Variants in CIB4 observed in about 807,000 individuals in gnomAD.
The protein encoded by CIB4 is calcium and integrin binding family member 4.
Under a neutral mutation model 25.8 loss-of-function variants are expected in CIB4, and 25 were observed. That is an observed-to-expected ratio of 0.97 (90% CI 0.71 to 1.35). The LOEUF (loss-of-function observed/expected upper bound fraction) is 1.35. Ranked by LOEUF, CIB4 falls within the 40% of genes most tolerant of loss-of-function variation. The probability of loss-of-function intolerance (pLI) is 0.00; values close to 1 mark genes in which losing one functional copy is unlikely to be tolerated. For synonymous variants in CIB4, 75 were observed against 81.4 expected, an observed-to-expected ratio of 0.92 and a Z score of 0.42; for missense variants, 235 against 228.2, an observed-to-expected ratio of 1.03 and a Z score of -0.19.
In CIB4 at chr2:26,640,565, G is replaced by C; in HGVS notation, c.57C>G (p.Ala19=). 2 of 1,612,374 alleles carry C rather than the reference G, an allele frequency of 1.2e-6. No individual in the cohort carries two copies. Among genetic ancestry groups the C allele is most frequent in the Non-Finnish European group, 1.7e-6 (2 of 1,179,180 alleles). Residue 19 remains alanine, a splice_region_variant and synonymous_variant, in exon 2 of 7, where the codon GCC becomes GCG. Transcript: ENST00000288861. The part of the protein sequence containing the change: ...MHWEDLEEYQ[A]LTFLTRNEIL... Reference sequence around the variant, plus strand: ...TTTCATTTCTGGTCAGGAAGGTCAGGGCCTGCAACAAATCACAGAGAAGCG... The same window carrying C: ...TTTCATTTCTGGTCAGGAAGGTCAGCGCCTGCAACAAATCACAGAGAAGCG...
chr2:26,603,790 G>T (rs1367226298), intron 3 of CIB4, among the ~76,000 whole-genome samples: 2 of 152,088 alleles, frequency 1.3e-5, no homozygotes, highest in Non-Finnish European at 2.9e-5. Context: ...TTGAGCCCAG[G>T]AGTTCAAGAC....
chr2:26,626,330 ACGGTT>A (rs56871257), intron 3 of CIB4, among the ~76,000 whole-genome samples: 79,677 of 150,264 alleles, frequency 0.53, 22,411 homozygotes, highest in Admixed American at 0.65. Flanking sequence ...AGTTCAAAAG[ACGGTT>A]CTGGCTGTTA....
At chr2:26,622,920 T>A (rs1412324776) in intron 3 of CIB4, among the ~76,000 whole-genome samples, 1 of 151,950 alleles carries the variant, frequency 6.6e-6, no homozygotes, top group African/African-American at 2.4e-5. Flanking sequence ...GAGGCAGAGG[T>A]TGCAGTGAGC....
chr2:26,589,039 T>TTCTTCTTCTTCTTCCTCTTCC (rs1668517892), intron 4 of CIB4, among the ~76,000 whole-genome samples: 1 of 45,698 alleles, frequency 2.2e-5, no homozygotes, highest in African/African-American at 9.3e-5. Flanking sequence ...CTTCTTCTTC[T>TTCTTCTTCTTCTTCCTCTTCC]TCTTCTTCTT....
chr2:26,603,204 G>A (rs907016678), intron 3 of CIB4, among the ~76,000 whole-genome samples: 5 of 152,078 alleles, frequency 3.3e-5, no homozygotes, highest in Admixed American at 3.3e-4. Context: ...ATGGAAAAGC[G>A]AGACTGAGAA....
intron 1 of CIB4, among the ~76,000 whole-genome samples, chr2:26,640,824 A>T (rs1669620877): frequency 6.6e-6 from 1 of 152,182 alleles, no homozygotes. Context: ...ACAAGAGTGA[A>T]ACTCTGGGCT....
At chr2:26,589,970 G>A (rs1306447423) in intron 4 of CIB4, among the ~76,000 whole-genome samples, 1 of 152,168 alleles carries the variant, frequency 6.6e-6, no homozygotes, top group East Asian at 1.9e-4. Context: ...GTCCCCGACT[G>A]TTGGCAGAAC....
intron 3 of CIB4, among the ~76,000 whole-genome samples, chr2:26,598,192 C>G (rs1387886984): frequency 6.6e-6 from 1 of 151,318 alleles, no homozygotes; most frequent in African/African-American, 2.4e-5. Flanking sequence ...CCCAGCTACT[C>G]GAGAGACTGA....
At chr2:26,587,542 G>A (rs1668481609) in intron 4 of CIB4, among the ~76,000 whole-genome samples, 1 of 151,992 alleles carries the variant, frequency 6.6e-6, no homozygotes, top group South Asian at 2.1e-4. Context: ...TTGCTGTGGA[G>A]ATTAAATAAG....
intron 3 of CIB4, among the ~76,000 whole-genome samples, chr2:26,625,425 T>A (rs1367553931): frequency 1.4e-5 from 2 of 145,766 alleles, no homozygotes; most frequent in Admixed American, 7.2e-5. Context: ...CAATCTCAGC[T>A]CACCACAACC....
intron 3 of CIB4, among the ~76,000 whole-genome samples, chr2:26,614,015 C>T (rs992075183): frequency 6.6e-6 from 1 of 152,212 alleles, no homozygotes; most frequent in Non-Finnish European, 1.5e-5. Context: ...GGCGTCTCCT[C>T]CCTGTGGAGG....
At chr2:26,633,636 C>T (rs1452739170) in intron 2 of CIB4, among the ~76,000 whole-genome samples, 3 of 152,168 alleles carry the variant, frequency 2.0e-5, no homozygotes, top group South Asian at 2.1e-4. Context: ...AAATGTTCTC[C>T]TCCTCCAAAT....
chr2:26,604,264 C>T (rs1388391130), intron 3 of CIB4, among the ~76,000 whole-genome samples: 2 of 151,904 alleles, frequency 1.3e-5, no homozygotes, highest in Admixed American at 6.6e-5. Context: ...CCTGCAGTCC[C>T]AGCCACCTGG....
chr2:26,601,231 A>AAAAAAAT (rs1395827334), intron 3 of CIB4, among the ~76,000 whole-genome samples: 2 of 17,238 alleles, frequency 1.2e-4, no homozygotes, highest in African/African-American at 3.0e-4. Context: ...AAAAAAAAAA[A>AAAAAAAT]ATATATATAT....
intron 3 of CIB4, among the ~76,000 whole-genome samples, chr2:26,599,629 A>C (rs1668745217): frequency 6.6e-6 from 1 of 152,224 alleles, no homozygotes; most frequent in South Asian, 2.1e-4. Flanking sequence ...TAAAAAAATC[A>C]AACAGTATTA....
At chr2:26,624,371 A>G (rs1309610860) in intron 3 of CIB4, among the ~76,000 whole-genome samples, 1 of 152,176 alleles carries the variant, frequency 6.6e-6, no homozygotes, top group African/African-American at 2.4e-5. Flanking sequence ...CATTTTGGGA[A>G]GCAAGGCTTC....
At chr2:26,617,924 C>T (rs943443610) in intron 3 of CIB4, among the ~76,000 whole-genome samples, 4 of 152,150 alleles carry the variant, frequency 2.6e-5, no homozygotes, top group African/African-American at 7.2e-5. Flanking sequence ...GAGTGTGGAA[C>T]GGCCTAGGCT....
intron 3 of CIB4, among the ~76,000 whole-genome samples, chr2:26,612,001 T>G (rs570372052): frequency 9.5e-4 from 144 of 152,368 alleles, no homozygotes; most frequent in Non-Finnish European, 1.5e-3. Context: ...TCTTAAAATT[T>G]TATTTTATTG....
At chr2:26,586,044 C>CT (rs1256470558) in intron 4 of CIB4, among the ~76,000 whole-genome samples, 1 of 152,202 alleles carries the variant, frequency 6.6e-6, no homozygotes, top group Non-Finnish European at 1.5e-5. Flanking sequence ...TTCCCATGCA[C>CT]TACCCCACCC....
Sources: gnomAD v4.1 joint callset for allele counts (sites outside exome capture counted in the v4.1 genomes callset) on GRCh38, gnomAD v4.1.1 for gene constraint, MANE v1.5 for transcripts, NCBI Gene and HGNC (gene_info 2026-07-23, HGNC 2026-07-21) for gene names.